Variants in FSTL4 observed in about 807,000 individuals in gnomAD.
FSTL4 encodes the protein follistatin-related protein 4.
In FSTL4, 28 loss-of-function variants were observed where a neutral mutation model predicts 78.2. The ratio of observed to expected loss-of-function variants is 0.36; its 90% CI spans 0.27 to 0.49. FSTL4 has a LOEUF of 0.49. Ranked by LOEUF, FSTL4 falls within the 20% of genes least tolerant of loss-of-function variation. FSTL4 has a pLI of 0.98. For synonymous variants in FSTL4, 422 were observed against 440.5 expected (o/e 0.96, Z 0.53); for missense variants, 922 against 1,084.9 (o/e 0.85, Z 2.11).
At chr5:133,799,654 G>A in the FSTL4 span, among the ~76,000 whole-genome samples, 24 of 138,734 alleles carry the variant, frequency 1.7e-4, 4 homozygotes, top group Non-Finnish European at 3.1e-4. Context: ...AGATGGTTGT[G>A]TGCTATCTGC....
chr5:133,544,752 G>T (rs140169302), intron 3 of FSTL4, among the ~76,000 whole-genome samples: 25 of 152,334 alleles, frequency 1.6e-4, no homozygotes, highest in African/African-American at 6.0e-4. Flanking sequence ...AGCCCCAAAA[G>T]CCTGAATAGG....
chr5:133,342,835 C>A (rs1254442217), intron 4 of FSTL4, among the ~76,000 whole-genome samples: 1 of 152,202 alleles, frequency 6.6e-6, no homozygotes, highest in Non-Finnish European at 1.5e-5. Flanking sequence ...TTTGCCTTCA[C>A]GCTGTGTGTG....
chr5:133,390,401 A>T (rs1561697881), intron 4 of FSTL4, among the ~76,000 whole-genome samples: 1 of 152,262 alleles, frequency 6.6e-6, no homozygotes, highest in Non-Finnish European at 1.5e-5. Context: ...AGATGTCCAA[A>T]CTCAGTAGTC....
intron 2 of FSTL4, among the ~76,000 whole-genome samples, chr5:133,601,481 A>G (rs2112977363): frequency 6.6e-6 from 1 of 152,284 alleles, no homozygotes; most frequent in African/African-American, 2.4e-5. Context: ...TGGGCCCTGA[A>G]GGAGGAGGAG....
chr5:133,391,121 G>A (rs1378192598), intron 4 of FSTL4, among the ~76,000 whole-genome samples: 1 of 152,194 alleles, frequency 6.6e-6, no homozygotes, highest in African/African-American at 2.4e-5. Flanking sequence ...CAGAGACCAC[G>A]TATTTGAGTT....
intron 4 of FSTL4, among the ~76,000 whole-genome samples, chr5:133,394,424 G>C (rs999392936): frequency 6.6e-6 from 1 of 152,220 alleles, no homozygotes; most frequent in Non-Finnish European, 1.5e-5. Context: ...GGTGGGCATG[G>C]GCTTGGTGGG....
At chr5:133,781,015 A>T in the FSTL4 span, among the ~76,000 whole-genome samples, 6 of 151,972 alleles carry the variant, frequency 3.9e-5, no homozygotes, top group Non-Finnish European at 8.8e-5. Flanking sequence ...TCAACCCCCA[A>T]CCCAGGTGCC....
the FSTL4 span, among the ~76,000 whole-genome samples, chr5:133,654,761 G>A: frequency 6.6e-6 from 1 of 152,160 alleles, no homozygotes; most frequent in Admixed American, 6.5e-5. Context: ...CCTTGATGGA[G>A]AGCGCCTGAC....
intron 4 of FSTL4, among the ~76,000 whole-genome samples, chr5:133,391,523 T>C (rs771648938): frequency 6.6e-6 from 1 of 152,116 alleles, no homozygotes; most frequent in African/African-American, 2.4e-5. Flanking sequence ...CACGGAGTAA[T>C]GAGAAGGGCA....
intron 3 of FSTL4, among the ~76,000 whole-genome samples, chr5:133,415,480 T>C (rs17696621): frequency 0.27 from 40,395 of 152,154 alleles, 5,424 homozygotes; most frequent in Admixed American, 0.31. Flanking sequence ...ATACTTAGAT[T>C]TCAACTCTAA....
intron 3 of FSTL4, among the ~76,000 whole-genome samples, chr5:133,530,493 T>C (rs17166749): frequency 0.092 from 14,066 of 152,280 alleles, 801 homozygotes; most frequent in East Asian, 0.13. Context: ...CTAGCCTAGG[T>C]GCCTTGAAGA....
At chr5:133,404,132 G>A (rs888018027) in intron 3 of FSTL4, among the ~76,000 whole-genome samples, 1 of 152,224 alleles carries the variant, frequency 6.6e-6, no homozygotes, top group Non-Finnish European at 1.5e-5. Context: ...GTAGCATGAA[G>A]GCCCTGCATA....
At chr5:133,339,771 A>G (rs1236101946) in intron 4 of FSTL4, among the ~76,000 whole-genome samples, 1 of 152,154 alleles carries the variant, frequency 6.6e-6, no homozygotes, top group African/African-American at 2.4e-5. Context: ...ACTTTCCTCC[A>G]GTGAAATCCA....
chr5:133,514,182 G>GATAATAATA (rs10671234), intron 3 of FSTL4, among the ~76,000 whole-genome samples: 199 of 116,608 alleles, frequency 1.7e-3, no homozygotes, highest in South Asian at 3.0e-3. Flanking sequence ...CCGTCTCAAT[G>GATAATAATA]ATAATAATAA....
At chr5:133,537,384 A>G (rs1366691213) in intron 3 of FSTL4, among the ~76,000 whole-genome samples, 3 of 152,192 alleles carry the variant, frequency 2.0e-5, no homozygotes, top group Admixed American at 6.5e-5. Flanking sequence ...TCAATTTTAA[A>G]TTACATTTTC....
At chr5:133,669,097 G>T in the FSTL4 span, among the ~76,000 whole-genome samples, 4 of 152,206 alleles carry the variant, frequency 2.6e-5, no homozygotes, top group Non-Finnish European at 5.9e-5. Flanking sequence ...ATGCTTCAAT[G>T]ATGGGATTTA....
intron 6 of FSTL4, among the ~76,000 whole-genome samples, chr5:133,310,119 C>T (rs1049749857): frequency 6.6e-6 from 1 of 152,054 alleles, no homozygotes; most frequent in Admixed American, 6.6e-5. Flanking sequence ...ACCATTGATC[C>T]CCATATGCTC....
intron 3 of FSTL4, among the ~76,000 whole-genome samples, chr5:133,550,904 G>A (rs557841230): frequency 1.3e-5 from 2 of 152,150 alleles, no homozygotes; most frequent in South Asian, 2.1e-4. Flanking sequence ...CTGTATGAGC[G>A]ATGATTTTCT....
intron 4 of FSTL4, among the ~76,000 whole-genome samples, chr5:133,376,064 C>T (rs570418283): frequency 4.0e-4 from 61 of 152,300 alleles, no homozygotes; most frequent in African/African-American, 1.4e-3. Context: ...CACACGTGTG[C>T]ACTTGACAAG....
Sources: gnomAD v4.1 joint callset for allele counts (sites outside exome capture counted in the v4.1 genomes callset) on GRCh38, gnomAD v4.1.1 for gene constraint, MANE v1.5 for transcripts, NCBI Gene and HGNC (gene_info 2026-07-23, HGNC 2026-07-21) for gene names.